The following GAS7 variants were observed in gnomAD, a reference collection of about 807,000 sequenced individuals.
GAS7 encodes growth arrest-specific protein 7.
In GAS7, 28 loss-of-function variants were observed where a neutral mutation model predicts 71.1. That is an observed-to-expected ratio of 0.39 (90% confidence interval 0.29 to 0.54). GAS7 has a LOEUF of 0.54. Ranked by LOEUF, GAS7 falls within the 20% of genes least tolerant of loss-of-function variation. GAS7 has a pLI of 0.62. For missense variants in GAS7, 436 were observed against 627.8 expected, an observed-to-expected ratio of 0.69 and a Z score of 3.27; for synonymous variants, 258 against 245.8, an observed-to-expected ratio of 1.05 and a Z score of -0.46.
At chr17:9,972,855 T>C (rs2070023948) in intron 3 of GAS7, among the ~76,000 whole-genome samples, 1 of 152,106 alleles carries the variant, frequency 6.6e-6, no homozygotes, top group African/African-American at 2.4e-5. Context: ...AAACTGTAAT[T>C]ACACAATATT....
At chr17:9,954,304 A>T (rs900994201) in intron 5 of GAS7, among the ~76,000 whole-genome samples, 12 of 152,272 alleles carry the variant, frequency 7.9e-5, no homozygotes, top group Middle Eastern at 3.4e-3. Context: ...AGGGGTGCCA[A>T]GGTCTGTCCT....
chr17:10,144,992 A>T (rs2074110786), intron 1 of GAS7, among the ~76,000 whole-genome samples: 1 of 152,252 alleles, frequency 6.6e-6, no homozygotes, highest in South Asian at 2.1e-4. Flanking sequence ...GAGACAGGCA[A>T]CTGGATGAGG....
intron 1 of GAS7, among the ~76,000 whole-genome samples, chr17:10,196,370 A>C (rs2074540701): frequency 6.6e-6 from 1 of 152,204 alleles, no homozygotes; most frequent in African/African-American, 2.4e-5. Flanking sequence ...ACTGGTGATA[A>C]CGTGCACACA....
At chr17:10,005,957 C>T (rs1411218530) in intron 2 of GAS7, among the ~76,000 whole-genome samples, 1 of 152,186 alleles carries the variant, frequency 6.6e-6, no homozygotes, top group East Asian at 1.9e-4. Context: ...CTTCCTTTGG[C>T]CTGTAATTAA....
intron 5 of GAS7, 125 bp from the exon 6 acceptor site, chr17:9,947,108 C>A (rs1309314617): frequency 4.9e-6 from 3 of 608,480 alleles, no homozygotes; most frequent in Non-Finnish European, 8.8e-6. Flanking sequence ...CAGGGATCTT[C>A]CCGTGCTCCA....
intron 1 of GAS7, among the ~76,000 whole-genome samples, chr17:10,033,651 C>T (rs181529230): frequency 1.3e-4 from 20 of 152,284 alleles, no homozygotes; most frequent in Non-Finnish European, 2.6e-4. Flanking sequence ...CTGGCTTCCT[C>T]GGGGAATTAG....
intron 2 of GAS7, among the ~76,000 whole-genome samples, chr17:9,986,079 C>T (rs998752889): frequency 4.6e-5 from 7 of 152,180 alleles, no homozygotes; most frequent in Non-Finnish European, 1.0e-4. Flanking sequence ...AGGGTCGAAG[C>T]CACGGCTGGT....
chr17:10,183,098 A>G (rs1018110432), intron 1 of GAS7, among the ~76,000 whole-genome samples: 15 of 151,770 alleles, frequency 9.9e-5, no homozygotes, highest in Non-Finnish European at 1.6e-4. Flanking sequence ...CCTTGCTTTC[A>G]CTTGTAGGAC....
intron 9 of GAS7, among the ~76,000 whole-genome samples, chr17:9,930,207 C>CA (rs1760832239): frequency 6.6e-6 from 1 of 152,346 alleles, no homozygotes; most frequent in Admixed American, 6.5e-5. Context: ...GTTTCAGCTA[C>CA]AGATGTGTGT....
chr17:9,948,510 C>T (rs999803264), intron 5 of GAS7, among the ~76,000 whole-genome samples: 3 of 152,098 alleles, frequency 2.0e-5, no homozygotes, highest in African/African-American at 7.2e-5. Flanking sequence ...TGGTGAAACC[C>T]CTTCTCTACT....
rs774085131 is a variant in GAS7 at position 10,103,545 on chromosome 17, G to A, written c.184-83648C>T. ...CACTTAGAAAGATAGGAACAACCCGGCCAGGCGCGATGGCTCCCACCTGTA... is the reference window on the plus strand; with the variant it reads ...CACTTAGAAAGATAGGAACAACCCGACCAGGCGCGATGGCTCCCACCTGTA... On this transcript the variant is annotated intron_variant, in intron 1 of 13. Coordinates refer to ENST00000432992, the MANE Select transcript of GAS7 (RefSeq NM_201433.2). The surrounding 1 kb of genome is among the most constrained non-coding windows in gnomAD (Gnocchi z 5.5). 7.9e-5 allele frequency among the ~76,000 whole-genome samples: 12 copies of A among 150,944 alleles called. No homozygotes were observed. The highest frequency in any genetic ancestry group is 1.5e-4 in the Non-Finnish European group (10 of 67,440).
intron 1 of GAS7, among the ~76,000 whole-genome samples, chr17:10,083,310 T>C (rs1220007014): frequency 6.6e-6 from 1 of 152,206 alleles, no homozygotes; most frequent in Non-Finnish European, 1.5e-5. Flanking sequence ...GTGGATCACT[T>C]GAGGTCAGGA....
At chr17:10,187,932 C>G (rs1160088651) in intron 1 of GAS7, among the ~76,000 whole-genome samples, 1 of 152,218 alleles carries the variant, frequency 6.6e-6, no homozygotes, top group Non-Finnish European at 1.5e-5. Flanking sequence ...ACTATGCTAG[C>G]TCCACAAAGA....
At chr17:10,022,544 G>A (rs908779719) in intron 1 of GAS7, among the ~76,000 whole-genome samples, 7 of 152,168 alleles carry the variant, frequency 4.6e-5, no homozygotes, top group Middle Eastern at 3.2e-3. Context: ...TGCCTGGACC[G>A]CTTGACAGCC....
At chr17:10,135,974 A>G (rs1336406599) in intron 1 of GAS7, among the ~76,000 whole-genome samples, 3 of 152,174 alleles carry the variant, frequency 2.0e-5, no homozygotes, top group Non-Finnish European at 4.4e-5. Flanking sequence ...AAAGAACAAG[A>G]GCATGACTTA....
chr17:10,118,973 G>A (rs745876281), intron 1 of GAS7, among the ~76,000 whole-genome samples: 15 of 152,116 alleles, frequency 9.9e-5, no homozygotes, highest in South Asian at 2.1e-4. Flanking sequence ...AGTGCCTTCC[G>A]GGCACTTTCA....
intron 6 of GAS7, among the ~76,000 whole-genome samples, chr17:9,944,658 T>C (rs2068725173): frequency 6.6e-6 from 1 of 152,184 alleles, no homozygotes; most frequent in African/African-American, 2.4e-5. Flanking sequence ...CTCAAAGGCC[T>C]CCGGCCACGC....
intron 2 of GAS7, among the ~76,000 whole-genome samples, chr17:9,993,191 C>T (rs1271508055): frequency 6.6e-6 from 1 of 151,472 alleles, no homozygotes; most frequent in East Asian, 1.9e-4. Flanking sequence ...CTGACTTCCA[C>T]AATGGTTGAA....
At chr17:10,057,585 G>T (rs1301949088) in intron 1 of GAS7, among the ~76,000 whole-genome samples, 1 of 151,384 alleles carries the variant, frequency 6.6e-6, no homozygotes, top group Non-Finnish European at 1.5e-5. Context: ...AGGGAGGTGG[G>T]GGGCAGCCCC....
Sources: gnomAD v4.1 joint callset for allele counts (sites outside exome capture counted in the v4.1 genomes callset) on GRCh38, gnomAD v4.1.1 for gene constraint, Gnocchi (gnomAD v3.1) non-coding constraint, MANE v1.5 for transcripts, NCBI Gene and HGNC (gene_info 2026-07-23, HGNC 2026-07-21) for gene names.